The following MS4A4A variants were observed in gnomAD, a reference collection of about 807,000 sequenced individuals.
The protein encoded by MS4A4A is membrane spanning 4-domains A4A.
In MS4A4A, 26 loss-of-function variants were observed where a neutral mutation model predicts 28.0. The observed-to-expected ratio is 0.93, with a 90% CI of 0.68 to 1.29. The LOEUF (loss-of-function observed/expected upper bound fraction) is 1.29. MS4A4A is among the 50% of genes most tolerant of loss of function. The probability of loss-of-function intolerance (pLI) is 0.00; values close to 1 mark genes in which losing one functional copy is unlikely to be tolerated. For missense variants in MS4A4A, 290 were observed against 293.1 expected, an observed-to-expected ratio of 0.99 and a Z score of 0.08; for synonymous variants, 86 against 100.8, an observed-to-expected ratio of 0.85 and a Z score of 0.88.
At chr11:60,301,938 C>T (rs778820993) in intron 4 of MS4A4A, among the ~76,000 whole-genome samples, 2 of 152,180 alleles carry the variant, frequency 1.3e-5, no homozygotes, top group African/African-American at 4.8e-5. Flanking sequence ...TGCCACCACG[C>T]CCAGCTAATT....
chr11:60,285,307 C>A (rs556412367), intron 1 of MS4A4A, among the ~76,000 whole-genome samples: 2 of 152,036 alleles, frequency 1.3e-5, no homozygotes, highest in Admixed American at 6.6e-5. Context: ...AGTTTGAGAC[C>A]AGCTTGGGTA....
At chr11:60,282,014 A>G (rs1364248541) in intron 1 of MS4A4A, among the ~76,000 whole-genome samples, 2 of 152,214 alleles carry the variant, frequency 1.3e-5, no homozygotes, top group Admixed American at 6.5e-5. Context: ...TAGATAATTA[A>G]CACAAGGATT....
chr11:60,292,141 C>T, intron 1 of MS4A4A, 84 bp from the exon 2 acceptor site: 1 of 1,439,374 alleles, frequency 6.9e-7, no homozygotes, highest in Non-Finnish European at 9.2e-7. Flanking sequence ...CAGATTCTGT[C>T]CTTAGGGAGG....
At chr11:60,300,571 G>GCC (rs1184056291) in intron 3 of MS4A4A, among the ~76,000 whole-genome samples, 1 of 130,240 alleles carries the variant, frequency 7.7e-6, no homozygotes, top group African/African-American at 3.1e-5. Context: ...AGCCGAGATT[G>GCC]CCCCACTGCA....
At position 60,282,454 on chromosome 11, in the gene MS4A4A, C is replaced by T. The variant is rs182308143; in HGVS notation, c.41+1738C>T. On this transcript the variant is annotated intron_variant, in intron 1 of 6. Transcript: ENST00000337908. ...ACACATTTCTTAAACCCTTATTTAC[C>T]GTCATAGGCTGACTAATCCACATGT... The T allele has an allele frequency of 3.7e-4, 227 of 617,020 alleles. 1 individual carries two copies. Among genetic ancestry groups the T allele is most frequent in the Non-Finnish European group, 4.3e-4 (183 of 423,762 alleles). The allele number at this position is 617,020 out of a possible 1,614,324, so 38.2% of individuals were successfully genotyped here.
At chr11:60,290,353 A>C (rs2084844418) in intron 1 of MS4A4A, 1 of 153,164 alleles carries the variant, frequency 6.5e-6, no homozygotes, top group Non-Finnish European at 1.5e-5. Context: ...ACTTCTCCCC[A>C]AATTTATCAT....
rs2084996425 is a variant in MS4A4A at position 60,306,030 on chromosome 11, T to C, written c.547-70T>C. On this transcript the variant is annotated intron_variant, in intron 5 of 6. Coordinates refer to ENST00000337908, the MANE Select transcript of MS4A4A (RefSeq NM_148975.3). ...CAGTGCTTTTTCTCTTATGACATTG[T>C]GGTTACTGGGAAATGTTTTCACTTG... 11 of 1,307,254 alleles carry C rather than the reference T, an allele frequency of 8.4e-6. No individual in the cohort carries two copies. In the South Asian group the frequency reaches 1.4e-4, roughly 16 times the overall value. 81.0% of individuals were successfully genotyped at this position (1,307,254 alleles called of 1,614,324 possible).
chr11:60,301,093 G>A, intron 4 of MS4A4A, 36 bp downstream of exon 4: 1 of 1,478,214 alleles, frequency 6.8e-7, no homozygotes, highest in South Asian at 1.2e-5. Context: ...ATCAAAAAAA[G>A]GAAGGATTAA....
At chr11:60,295,259 G>T (rs2084895743) in intron 2 of MS4A4A, among the ~76,000 whole-genome samples, 2 of 151,782 alleles carry the variant, frequency 1.3e-5, no homozygotes. Context: ...TAATTTAAAT[G>T]GCATTATGTT....
intron 1 of MS4A4A, chr11:60,282,837 G>T (rs2084767322): frequency 1.1e-6 from 1 of 874,530 alleles, no homozygotes; most frequent in African/African-American, 1.8e-5. Context: ...ATAAAAGAAG[G>T]CTTTTAAAGG....
chr11:60,294,892 A>ACTTCTTCTTCTTCTT (rs71036569), intron 2 of MS4A4A, among the ~76,000 whole-genome samples: 2,005 of 130,746 alleles, frequency 0.015, 48 homozygotes, highest in East Asian at 0.047. Context: ...TACAACTACT[A>ACTTCTTCTTCTTCTT]CTTCTTCTTC....
chr11:60,299,448 C>CAT (rs566774480), intron 3 of MS4A4A, among the ~76,000 whole-genome samples: 3 of 113,236 alleles, frequency 2.6e-5, no homozygotes, highest in Non-Finnish European at 5.2e-5. Flanking sequence ...AATTACAATT[C>CAT]TTTTTTTTTT....
chr11:60,302,481 T>C (rs2084960185), intron 4 of MS4A4A, 78 bp from the exon 5 acceptor site: 1 of 1,361,346 alleles, frequency 7.3e-7, no homozygotes, highest in Admixed American at 2.0e-5. Flanking sequence ...AAGAAAGAGA[T>C]GGTGGGTGTA....
intron 2 of MS4A4A, among the ~76,000 whole-genome samples, chr11:60,295,858 A>T (rs2084901011): frequency 6.6e-6 from 1 of 152,026 alleles, no homozygotes; most frequent in South Asian, 2.1e-4. Context: ...ATGGTACACA[A>T]TTTTTTTGAT....
intron 1 of MS4A4A, among the ~76,000 whole-genome samples, chr11:60,281,905 T>C (rs2084758140): frequency 1.3e-5 from 2 of 152,152 alleles, no homozygotes; most frequent in African/African-American, 4.8e-5. Context: ...GTCCCTCATA[T>C]GCATCCAATA....
chr11:60,286,893 GATTTACTAGTGACATTTTATT>G, intron 1 of MS4A4A, among the ~76,000 whole-genome samples: 1 of 152,234 alleles, frequency 6.6e-6, no homozygotes, highest in South Asian at 2.1e-4. Flanking sequence ...AATGGATAAG[GATTTACTAGTGACATTTTATT>G]ATTTTGGGGG....
intron 2 of MS4A4A, among the ~76,000 whole-genome samples, chr11:60,295,442 G>C (rs1294240175): frequency 6.6e-6 from 1 of 151,940 alleles, no homozygotes; most frequent in East Asian, 1.9e-4. Flanking sequence ...GGGAACAAAG[G>C]CAGTTTTATT....
intron 3 of MS4A4A, among the ~76,000 whole-genome samples, chr11:60,298,071 A>G (rs1374943023): frequency 6.6e-6 from 1 of 150,836 alleles, no homozygotes; most frequent in African/African-American, 2.4e-5. Flanking sequence ...ACTATTATTA[A>G]TATTACATTA....
intron 1 of MS4A4A, among the ~76,000 whole-genome samples, chr11:60,287,620 C>A (rs2084814350): frequency 6.6e-6 from 1 of 152,114 alleles, no homozygotes; most frequent in African/African-American, 2.4e-5. Flanking sequence ...GTCTCAATAG[C>A]CTCAAAATTT....
Sources: allele counts gnomAD v4.1 joint callset (sites outside exome capture counted in the v4.1 genomes callset), GRCh38; gene constraint gnomAD v4.1.1; transcripts MANE v1.5; gene names NCBI Gene and HGNC (gene_info 2026-07-23, HGNC 2026-07-21).